Variants in NUP98 observed in about 807,000 individuals in gnomAD.
The protein encoded by NUP98 is nucleoporin 98 and 96 precursor.
Under a neutral mutation model 191.9 loss-of-function variants are expected in NUP98, and 26 were observed. That is an observed-to-expected ratio of 0.14 (90% CI 0.10 to 0.19). The LOEUF (loss-of-function observed/expected upper bound fraction) is 0.19. Among genes scored for constraint, NUP98 ranks in the 10% least tolerant of loss-of-function variants. The pLI, the probability that NUP98 is intolerant of heterozygous loss-of-function variation, is 1.00. For missense variants in NUP98, 1,941 were observed against 2,178.8 expected (o/e 0.89, Z 2.17); for synonymous variants, 808 against 778.4 (o/e 1.04, Z -0.63).
chr11:3,708,332 A>G (rs2078926515), intron 20 of NUP98, among the ~76,000 whole-genome samples: 1 of 152,138 alleles, frequency 6.6e-6, no homozygotes, highest in South Asian at 2.1e-4. Flanking sequence ...AATTTACTAT[A>G]CTACTCAACA....
intron 1 of NUP98, among the ~76,000 whole-genome samples, chr11:3,791,860 T>A (rs4910807): frequency 0.044 from 5,413 of 122,748 alleles, 385 homozygotes; most frequent in African/African-American, 0.14. Context: ...AAAAAAAAAA[T>A]TTTGATACAA....
At chr11:3,769,958 G>C (rs190569620) in intron 7 of NUP98, among the ~76,000 whole-genome samples, 2 of 150,802 alleles carry the variant, frequency 1.3e-5, no homozygotes, top group Non-Finnish European at 2.9e-5. Flanking sequence ...GCAGAGAATC[G>C]CTTGAACCCA....
At chr11:3,727,674 T>C (rs1408052918) in intron 14 of NUP98, among the ~76,000 whole-genome samples, 1 of 151,726 alleles carries the variant, frequency 6.6e-6, no homozygotes, top group Non-Finnish European at 1.5e-5. Context: ...CAAGCCTGAG[T>C]AACACAGTGA....
chr11:3,720,828 G>C lies in NUP98; in HGVS notation c.2147-3C>G. The stretch of plus-strand genomic sequence containing the variant: ...ACCAACCTTAGTGAGAATAATACCT[G>C]TGACAAAAAAAAAAAAAAAAACAGA... On this transcript the variant is annotated splice_region_variant and splice_polypyrimidine_tract_variant and intron_variant, in intron 16 of 32. Transcript: ENST00000324932. The C allele has an allele frequency of 1.8e-6, 1 of 555,560 alleles. No homozygotes were observed. The highest frequency in any genetic ancestry group is 2.9e-6 in the Non-Finnish European group (1 of 350,270). 34.4% of individuals were successfully genotyped at this position (555,560 alleles called of 1,614,324 possible).
chr11:3,698,842 C>T (rs1289652422), intron 25 of NUP98, among the ~76,000 whole-genome samples: 1 of 151,520 alleles, frequency 6.6e-6, no homozygotes, highest in Non-Finnish European at 1.5e-5. Context: ...AGCCACTGAG[C>T]CCAGCCGCAC....
chr11:3,719,158 G>A (rs567200074), intron 18 of NUP98, among the ~76,000 whole-genome samples: 2 of 151,482 alleles, frequency 1.3e-5, no homozygotes, highest in Admixed American at 1.3e-4. Flanking sequence ...GAAATGAAAT[G>A]AAATAAAATA....
intron 26 of NUP98, among the ~76,000 whole-genome samples, chr11:3,694,649 AG>A (rs1030725669): frequency 6.6e-6 from 1 of 152,056 alleles, no homozygotes; most frequent in Non-Finnish European, 1.5e-5. Flanking sequence ...CTGAGGCAGA[AG>A]AATGAGGTGA....
intron 6 of NUP98, among the ~76,000 whole-genome samples, 183 bp from the exon 7 acceptor site, chr11:3,772,111 C>G (rs182734441): frequency 3.5e-4 from 53 of 152,176 alleles, no homozygotes; most frequent in Admixed American, 2.9e-3. Context: ...ACACTAAAAT[C>G]CATACCATAA....
intron 1 of NUP98, among the ~76,000 whole-genome samples, chr11:3,795,918 T>TA (rs778253192): frequency 6.2e-4 from 95 of 152,352 alleles, no homozygotes; most frequent in Non-Finnish European, 7.5e-4. Context: ...GTAACAATCT[T>TA]ACTGATGTGT....
At chr11:3,746,619 A>G (rs886838335) in intron 11 of NUP98, among the ~76,000 whole-genome samples, 4 of 151,892 alleles carry the variant, frequency 2.6e-5, no homozygotes, top group African/African-American at 9.7e-5. Flanking sequence ...AGAATTAAAA[A>G]AAGGTACTGT....
At chr11:3,772,139 G>A (rs1302318137) in intron 6 of NUP98, among the ~76,000 whole-genome samples, 1 of 151,894 alleles carries the variant, frequency 6.6e-6, no homozygotes, top group Non-Finnish European at 1.5e-5. Flanking sequence ...AAAACTACAA[G>A]CCAAAGAGTC....
intron 11 of NUP98, among the ~76,000 whole-genome samples, chr11:3,752,550 A>T (rs75338272): frequency 1.4e-5 from 2 of 141,002 alleles, no homozygotes; most frequent in African/African-American, 2.6e-5. Flanking sequence ...AATAAATAAA[A>T]AAGAAGGAAA....
intron 16 of NUP98, chr11:3,721,029 G>A: frequency 2.6e-6 from 1 of 381,538 alleles, no homozygotes; most frequent in Non-Finnish European, 4.7e-6. Context: ...TGGTCAAATA[G>A]GTTTGAAGAA....
At chr11:3,698,964 C>T (rs1043046915) in intron 25 of NUP98, 118 bp downstream of exon 25, 24 of 1,146,066 alleles carry the variant, frequency 2.1e-5, no homozygotes, top group African/African-American at 3.1e-5. Flanking sequence ...CTGGGAAGTC[C>T]GCAATTAATA....
At chr11:3,744,486 C>A (rs748555668) in intron 12 of NUP98, 23 bp downstream of exon 12, 1 of 1,584,742 alleles carries the variant, frequency 6.3e-7, no homozygotes, top group South Asian at 1.2e-5. Context: ...TAAGAAAAGC[C>A]TTCTAAAGTG....
chr11:3,757,501 C>G (rs978648468), intron 10 of NUP98, among the ~76,000 whole-genome samples: 11 of 151,102 alleles, frequency 7.3e-5, no homozygotes, highest in African/African-American at 2.7e-4. Context: ...ACAAACAAAA[C>G]AAAACAAAAC....
intron 30 of NUP98, among the ~76,000 whole-genome samples, chr11:3,681,213 G>T (rs573393582): frequency 1.4e-4 from 21 of 152,156 alleles, no homozygotes; most frequent in African/African-American, 4.3e-4. Flanking sequence ...GCTAATTTTT[G>T]TATTTTTTGT....
intron 12 of NUP98, among the ~76,000 whole-genome samples, chr11:3,741,837 A>G (rs2080296464): frequency 6.6e-6 from 1 of 152,218 alleles, no homozygotes; most frequent in South Asian, 2.1e-4. Context: ...GGTTACTGCA[A>G]GAAGGAAGAC....
At chr11:3,715,761 G>C (rs1242529870) in intron 18 of NUP98, among the ~76,000 whole-genome samples, 1 of 150,296 alleles carries the variant, frequency 6.7e-6, no homozygotes, top group Non-Finnish European at 1.5e-5. Flanking sequence ...AGGACTACAG[G>C]TGTGTGCAAC....
Sources: gnomAD v4.1 joint callset for allele counts (sites outside exome capture counted in the v4.1 genomes callset) on GRCh38, gnomAD v4.1.1 for gene constraint, MANE v1.5 for transcripts, NCBI Gene and HGNC (gene_info 2026-07-23, HGNC 2026-07-21) for gene names.